Variants in DRC11 observed in about 807,000 individuals in gnomAD.
The protein encoded by DRC11 is dynein regulatory complex subunit 11.
At chr2:236,357,846 A>ATAAATATATAC in the DRC11 span, among the ~76,000 whole-genome samples, 1 of 96,792 alleles carries the variant, frequency 1.0e-5, no homozygotes, top group Non-Finnish European at 2.2e-5. Flanking sequence ...TAAATATGTA[A>ATAAATATATAC]TATATAAATA....
the DRC11 span, among the ~76,000 whole-genome samples, chr2:236,458,312 T>C: frequency 1.3e-5 from 2 of 152,152 alleles, no homozygotes; most frequent in African/African-American, 2.4e-5. Flanking sequence ...TAAACACAAC[T>C]ATCACACAAT....
chr2:236,501,099 C>A, the DRC11 span, among the ~76,000 whole-genome samples: 1 of 152,104 alleles, frequency 6.6e-6, no homozygotes, highest in Non-Finnish European at 1.5e-5. Flanking sequence ...CCTCGGGGAG[C>A]TTTTACTCAT....
the DRC11 span, among the ~76,000 whole-genome samples, chr2:236,421,164 G>A: frequency 6.6e-6 from 1 of 152,142 alleles, no homozygotes. Flanking sequence ...AGAAGCAAGA[G>A]CAAACACATT....
chr2:236,454,192 G>A, the DRC11 span, among the ~76,000 whole-genome samples: 1 of 152,194 alleles, frequency 6.6e-6, no homozygotes, highest in Admixed American at 6.5e-5. This position sits in a 1 kb window ranked among gnomAD's most constrained non-coding sequence, Gnocchi z 5.3. Context: ...TCCATTCAGC[G>A]CATTTGCCAA....
the DRC11 span, among the ~76,000 whole-genome samples, chr2:236,428,419 G>A: frequency 1.3e-5 from 2 of 152,082 alleles, no homozygotes; most frequent in Non-Finnish European, 2.9e-5. Context: ...ATGCTCTGAT[G>A]TTTGGTACAT....
the DRC11 span, among the ~76,000 whole-genome samples, chr2:236,502,633 C>T: frequency 6.8e-6 from 1 of 146,748 alleles, no homozygotes; most frequent in South Asian, 2.1e-4. Context: ...AAGCAGAAAC[C>T]CATTCACAGC....
chr2:236,419,151 T>A, the DRC11 span: 1 of 1,519,236 alleles, frequency 6.6e-7, no homozygotes, highest in African/African-American at 1.4e-5. The surrounding 1 kb of genome is among the most constrained non-coding windows in gnomAD (Gnocchi z 4.8). Context: ...TATTTTACCT[T>A]ATTTTTCTCC....
the DRC11 span, chr2:236,497,474 T>A: frequency 2.5e-6 from 4 of 1,607,138 alleles, no homozygotes; most frequent in African/African-American, 2.7e-5. The surrounding 1 kb of genome is among the most constrained non-coding windows in gnomAD (Gnocchi z 5.1). Context: ...TGATGCCACA[T>A]CTTATTATAC....
chr2:236,346,982 T>G, the DRC11 span, among the ~76,000 whole-genome samples: 1 of 152,180 alleles, frequency 6.6e-6, no homozygotes, highest in Non-Finnish European at 1.5e-5. Flanking sequence ...GAACACACTG[T>G]GCATGCATGC....
chr2:236,454,987 C>T, the DRC11 span: 1 of 152,242 alleles, frequency 6.6e-6, no homozygotes, highest in Non-Finnish European at 1.5e-5. The surrounding 1 kb of genome is among the most constrained non-coding windows in gnomAD (Gnocchi z 5.3). Flanking sequence ...TCTTTCTCCC[C>T]TCCTCCATCT....
At chr2:236,314,308 C>A in the DRC11 span, among the ~76,000 whole-genome samples, 1 of 152,176 alleles carries the variant, frequency 6.6e-6, no homozygotes, top group Non-Finnish European at 1.5e-5. This position sits in a 1 kb window ranked among gnomAD's most constrained non-coding sequence, Gnocchi z 4.5. Flanking sequence ...CACAACCATA[C>A]ATGATAAACA....
the DRC11 span, among the ~76,000 whole-genome samples, chr2:236,316,417 C>A: frequency 6.6e-6 from 1 of 152,184 alleles, no homozygotes; most frequent in Non-Finnish European, 1.5e-5. The surrounding 1 kb of genome is among the most constrained non-coding windows in gnomAD (Gnocchi z 6.8). Flanking sequence ...CCTGCCTTGG[C>A]CTCCCAAAGT....
the DRC11 span, among the ~76,000 whole-genome samples, chr2:236,388,244 T>C: frequency 6.6e-6 from 1 of 151,566 alleles, no homozygotes. Flanking sequence ...CTGGATAATA[T>C]CCTGCAGAGT....
At chr2:236,406,030 T>C in the DRC11 span, among the ~76,000 whole-genome samples, 1 of 152,234 alleles carries the variant, frequency 6.6e-6, no homozygotes, top group East Asian at 1.9e-4. The surrounding 1 kb of genome is among the most constrained non-coding windows in gnomAD (Gnocchi z 4.7). Context: ...AGCTGGTTTA[T>C]GGAAACTGAC....
chr2:236,356,991 T>G, the DRC11 span, among the ~76,000 whole-genome samples: 11 of 109,766 alleles, frequency 1.0e-4, no homozygotes, highest in African/African-American at 3.3e-4. Flanking sequence ...ATATTATATA[T>G]CTATATATTT....
At chr2:236,472,653 AT>A in the DRC11 span, among the ~76,000 whole-genome samples, 1 of 152,242 alleles carries the variant, frequency 6.6e-6, no homozygotes, top group Admixed American at 6.5e-5. This position sits in a 1 kb window ranked among gnomAD's most constrained non-coding sequence, Gnocchi z 4.6. Flanking sequence ...CCATAATGGC[AT>A]ATCCTATCCC....
the DRC11 span, chr2:236,441,113 C>T: frequency 2.6e-6 from 4 of 1,557,124 alleles, no homozygotes; most frequent in Middle Eastern, 1.7e-4. Context: ...AGGAAATGTC[C>T]CGGTTAAATT....
At chr2:236,453,153 A>G in the DRC11 span, among the ~76,000 whole-genome samples, 68 of 152,302 alleles carry the variant, frequency 4.5e-4, 1 homozygote, top group South Asian at 0.013. This position sits in a 1 kb window ranked among gnomAD's most constrained non-coding sequence, Gnocchi z 4.9. Context: ...TTTCTAACTC[A>G]GGAATCCAGA....
At chr2:236,372,275 G>A in the DRC11 span, among the ~76,000 whole-genome samples, 8 of 152,084 alleles carry the variant, frequency 5.3e-5, no homozygotes, top group Non-Finnish European at 8.8e-5. This position sits in a 1 kb window ranked among gnomAD's most constrained non-coding sequence, Gnocchi z 4.5. Context: ...CTTGATTGCC[G>A]AAAAATATCA....
Sources: allele counts gnomAD v4.1 joint callset (sites outside exome capture counted in the v4.1 genomes callset), GRCh38; gene constraint gnomAD v4.1.1; non-coding constraint Gnocchi (gnomAD v3.1); transcripts MANE v1.5; gene names NCBI Gene and HGNC (gene_info 2026-07-23, HGNC 2026-07-21).